Variants in CCP110 observed in about 807,000 individuals in gnomAD.
The protein encoded by CCP110 is centriolar coiled-coil protein of 110 kDa.
Under a neutral mutation model 105.5 loss-of-function variants are expected in CCP110, and 43 were observed. The observed-to-expected ratio is 0.41, with a 90% CI of 0.32 to 0.53. The LOEUF (loss-of-function observed/expected upper bound fraction) is 0.53, where lower values mean the gene tolerates loss of function less well. Ranked by LOEUF, CCP110 falls within the 20% of genes least tolerant of loss-of-function variation. The pLI is 0.32. For synonymous variants in CCP110, 353 were observed against 392.1 expected (o/e 0.90, Z 1.18); for missense variants, 1,016 against 1,189.1 (o/e 0.85, Z 2.14).
At chr16:19,546,164 A>G in intron 11 of CCP110, 1 of 522,300 alleles carries the variant, frequency 1.9e-6, no homozygotes, top group East Asian at 3.1e-5. Context: ...TTCAGTGCCT[A>G]AATATATTCC....
At chr16:19,543,102 T>C in intron 8 of CCP110, 108 bp downstream of exon 8, 1 of 675,224 alleles carries the variant, frequency 1.5e-6, no homozygotes, top group Non-Finnish European at 2.6e-6. Context: ...TTTTAGTCAC[T>C]GTAATCTAGG....
intron 5 of CCP110, among the ~76,000 whole-genome samples, chr16:19,541,640 A>G (rs904249493): frequency 2.5e-5 from 3 of 118,798 alleles, no homozygotes; most frequent in Non-Finnish European, 3.4e-5. Flanking sequence ...AACAAGAAAG[A>G]GAGAGAGAGG....
At chr16:19,531,564 GTTTAT>G (rs1344866150) in intron 2 of CCP110, among the ~76,000 whole-genome samples, 1 of 152,212 alleles carries the variant, frequency 6.6e-6, no homozygotes, top group Non-Finnish European at 1.5e-5. Context: ...TATATTATCT[GTTTAT>G]TTTATCATTA....
chr16:19,537,981 C>G (rs186609201), intron 4 of CCP110, among the ~76,000 whole-genome samples: 2 of 152,346 alleles, frequency 1.3e-5, no homozygotes, highest in African/African-American at 4.8e-5. Flanking sequence ...CCAAGCTGGT[C>G]TCAAACTCAT....
chr16:19,542,921 C>T, exon 8 of CCP110: 1 of 1,613,030 alleles, frequency 6.2e-7, no homozygotes, highest in Admixed American at 1.7e-5. Flanking sequence ...AAAATAACTG[C>T]AGTGGCAAAA....
At chr16:19,540,769 A>G (rs2151476514) in exon 5 of CCP110, 1 of 1,613,666 alleles carries the variant, frequency 6.2e-7, no homozygotes, top group East Asian at 2.2e-5. Flanking sequence ...AGGAAAGGGA[A>G]CAAGAAAGAC....
exon 4 of CCP110, chr16:19,536,093 A>G: frequency 2.5e-6 from 4 of 1,614,126 alleles, no homozygotes; most frequent in Non-Finnish European, 3.4e-6. Flanking sequence ...GCTTGATAAG[A>G]TAGCTGGGAT....
intron 6 of CCP110, 50 bp downstream of exon 6, chr16:19,542,114 G>T: frequency 7.8e-7 from 1 of 1,277,688 alleles, no homozygotes; most frequent in South Asian, 1.5e-5. Context: ...CCTACGGTAA[G>T]ATATTTATTT....
Position 19,540,653 on chromosome 16 carries a change from T to C in CCP110, c.1919-4T>C. The C allele has an allele frequency of 6.2e-7, 1 of 1,608,164 alleles. No individual in the cohort carries two copies. Among genetic ancestry groups the C allele is most frequent in the Non-Finnish European group, 8.5e-7 (1 of 1,177,680 alleles). On this transcript the variant is annotated splice_polypyrimidine_tract_variant and splice_region_variant and intron_variant, in intron 4 of 14. Transcript: ENST00000381396. ...CTAAATTGAGGAAACATGTTTCTTT[T>C]CAGAAAGCGAGGAGTTACTAAAAAG...
At chr16:19,547,899 TG>T in intron 12 of CCP110, 55 bp from the exon 13 acceptor site, 1 of 1,248,866 alleles carries the variant, frequency 8.0e-7, no homozygotes, top group Non-Finnish European at 1.2e-6. Flanking sequence ...TGAAAGAAAA[TG>T]GGAAAAAATG....
At chr16:19,536,095 A>G in exon 4 of CCP110, 1 of 1,614,114 alleles carries the variant, frequency 6.2e-7, no homozygotes. Context: ...TTGATAAGAT[A>G]GCTGGGATTT....
rs558199595 is a variant in CCP110 at position 19,537,617 on chromosome 16, T to C, written c.1918+30T>C. ...GGAATCTTTGAAGCGTTTGATACCT[T>C]CTATGCAGATACCTTTATTTTAATA... On this transcript the variant is annotated intron_variant, in intron 4 of 14. Transcript: ENST00000381396. The C allele has an allele frequency of 7.3e-5, 89 of 1,214,204 alleles. No individual in the cohort carries two copies. In the South Asian group the frequency reaches 1.2e-3, roughly 16 times the overall value. The allele number at this position is 1,214,204 out of a possible 1,614,324, so 75.2% of individuals were successfully genotyped here.
At chr16:19,531,982 G>A (rs1456910362) in intron 2 of CCP110, among the ~76,000 whole-genome samples, 30 of 143,614 alleles carry the variant, frequency 2.1e-4, no homozygotes, top group African/African-American at 6.1e-4. Context: ...AAAAAAAAAA[G>A]GATACTGAAT....
intron 4 of CCP110, among the ~76,000 whole-genome samples, chr16:19,538,057 C>T (rs918644359): frequency 6.6e-6 from 1 of 152,132 alleles, no homozygotes; most frequent in Non-Finnish European, 1.5e-5. Context: ...AGCCACGACA[C>T]CCAGCCAGGA....
At chr16:19,528,992 A>T (rs1032898559) in intron 2 of CCP110, among the ~76,000 whole-genome samples, 1 of 152,198 alleles carries the variant, frequency 6.6e-6, no homozygotes, top group Non-Finnish European at 1.5e-5. Context: ...CCTGGGTCCA[A>T]ATCATTGCTT....
chr16:19,542,509 C>G (rs990101348), intron 6 of CCP110, 112 bp from the exon 7 acceptor site: 20 of 762,110 alleles, frequency 2.6e-5, no homozygotes, highest in Middle Eastern at 2.8e-4. Context: ...GCAGGTAGGT[C>G]ATTTTTGGAG....
rs1444368617 is a variant in CCP110, at chr16:19,548,340, A to G, written c.2901-175A>G. 2 of 586,908 alleles carry G rather than the reference A, an allele frequency of 3.4e-6. No individual in the cohort carries two copies. Among genetic ancestry groups the G allele is most frequent in the East Asian group, 5.6e-5 (2 of 35,720 alleles). The allele number at this position is 586,908 out of a possible 1,614,324, so 36.4% of individuals were successfully genotyped here. Reference sequence around the variant, plus strand: ...CCAACAGAGTATGACTCGTGCTTATAGTCTCCTGCTGAAGCCAGAGTTTAG... The same window carrying G: ...CCAACAGAGTATGACTCGTGCTTATGGTCTCCTGCTGAAGCCAGAGTTTAG... On this transcript the variant is annotated intron_variant, in intron 13 of 14. Transcript: ENST00000381396. The surrounding 1 kb of genome is among the most constrained non-coding windows in gnomAD (Gnocchi z 4.1).
chr16:19,532,432 G>C (rs1432345217), exon 3 of CCP110: 5 of 1,596,908 alleles, frequency 3.1e-6, no homozygotes, highest in Non-Finnish European at 4.3e-6. Flanking sequence ...ATTGAGAAAA[G>C]AAAGGAAATG....
chr16:19,543,849 C>T (rs1350558191), intron 8 of CCP110, among the ~76,000 whole-genome samples: 1 of 152,118 alleles, frequency 6.6e-6, no homozygotes, highest in East Asian at 1.9e-4. Context: ...CGGACCAGTT[C>T]TCTGCTCTCA....
Sources: allele counts gnomAD v4.1 joint callset (sites outside exome capture counted in the v4.1 genomes callset), GRCh38; gene constraint gnomAD v4.1.1; non-coding constraint Gnocchi (gnomAD v3.1); transcripts MANE v1.5; gene names NCBI Gene and HGNC (gene_info 2026-07-23, HGNC 2026-07-21).